GRIP1: variants seen among roughly 807,000 people sequenced by gnomAD.
GRIP1 encodes the protein glutamate receptor interacting protein 1.
Under a neutral mutation model 129.9 loss-of-function variants are expected in GRIP1, and 45 were observed. The ratio of observed to expected loss-of-function variants is 0.35; its 90% CI spans 0.27 to 0.44. The LOEUF (loss-of-function observed/expected upper bound fraction) is 0.44. GRIP1 is among the 20% of genes least tolerant of loss of function. GRIP1 has a pLI of 1.00. For synonymous variants in GRIP1, 530 were observed against 520.8 expected, an observed-to-expected ratio of 1.02 and a Z score of -0.24; for missense variants, 1,196 against 1,396.8, an observed-to-expected ratio of 0.86 and a Z score of 2.29.
intron 1 of GRIP1, among the ~76,000 whole-genome samples, chr12:66,628,123 T>C (rs1229473494): frequency 6.6e-6 from 1 of 152,180 alleles, no homozygotes; most frequent in Non-Finnish European, 1.5e-5. Context: ...CATAGCCACC[T>C]GGCACCTGCC....
chr12:66,750,136 C>T (rs968476945), intron 1 of GRIP1, among the ~76,000 whole-genome samples: 1 of 152,152 alleles, frequency 6.6e-6, no homozygotes, highest in Non-Finnish European at 1.5e-5. Flanking sequence ...ATTATATCAG[C>T]TTACTTTCCT....
At chr12:66,750,269 A>G (rs556363836) in intron 1 of GRIP1, among the ~76,000 whole-genome samples, 6 of 152,314 alleles carry the variant, frequency 3.9e-5, no homozygotes, top group Non-Finnish European at 7.3e-5. Flanking sequence ...ATACATGCCA[A>G]GGGTCCCTTG....
At chr12:66,781,971 T>C (rs929699486) in intron 1 of GRIP1, among the ~76,000 whole-genome samples, 7 of 152,224 alleles carry the variant, frequency 4.6e-5, no homozygotes, top group African/African-American at 1.7e-4. Flanking sequence ...ATTTCATTTA[T>C]ATAAACTTCA....
chr12:67,003,292 T>C (rs1261351291), intron 1 of GRIP1, among the ~76,000 whole-genome samples: 1 of 152,248 alleles, frequency 6.6e-6, no homozygotes, highest in Non-Finnish European at 1.5e-5. Flanking sequence ...ATTGTTGTAC[T>C]TAGACTATTA....
intron 7 of GRIP1, among the ~76,000 whole-genome samples, chr12:66,476,594 A>C (rs1298854704): frequency 2.0e-5 from 3 of 152,208 alleles, no homozygotes; most frequent in Admixed American, 2.0e-4. Flanking sequence ...TTTTAGACCA[A>C]TATCCCTGAT....
chr12:66,444,933 A>G (rs1249526331), intron 12 of GRIP1, among the ~76,000 whole-genome samples: 4 of 152,218 alleles, frequency 2.6e-5, no homozygotes. Flanking sequence ...GGAATCCTGA[A>G]GTATCCCAGA....
At chr12:66,447,658 A>G (rs903566691) in intron 11 of GRIP1, among the ~76,000 whole-genome samples, 1 of 151,646 alleles carries the variant, frequency 6.6e-6, no homozygotes, top group African/African-American at 2.4e-5. Flanking sequence ...TAGTGTTTTT[A>G]ATACTATCCC....
At chr12:66,726,455 T>C (rs1015363417) in intron 1 of GRIP1, among the ~76,000 whole-genome samples, 2 of 152,152 alleles carry the variant, frequency 1.3e-5, no homozygotes, top group Non-Finnish European at 2.9e-5. Flanking sequence ...TGAAAGAATA[T>C]AGGGCATAAC....
At chr12:66,688,890 G>C (rs1298857165) in intron 1 of GRIP1, among the ~76,000 whole-genome samples, 7 of 152,066 alleles carry the variant, frequency 4.6e-5, no homozygotes. Context: ...CCATGGAAAA[G>C]ATAAAAGAAG....
chr12:66,507,496 C>T (rs370865604), intron 7 of GRIP1, among the ~76,000 whole-genome samples: 18 of 151,740 alleles, frequency 1.2e-4, no homozygotes, highest in African/African-American at 2.7e-4. Flanking sequence ...TTTACTCTTG[C>T]GACTGGTAGA....
chr12:66,962,138 T>C (rs1220493073), intron 1 of GRIP1, among the ~76,000 whole-genome samples: 1 of 152,188 alleles, frequency 6.6e-6, no homozygotes, highest in Non-Finnish European at 1.5e-5. Context: ...ATTTTTACCA[T>C]GGCTGTGGTA....
chr12:66,696,902 A>T (rs2035185320), intron 1 of GRIP1, among the ~76,000 whole-genome samples: 1 of 151,662 alleles, frequency 6.6e-6, no homozygotes, highest in African/African-American at 2.4e-5. Context: ...AATTTGGTAG[A>T]TGCAAAAAAA....
Position 66,676,479 on chromosome 12 carries a change from A to T in GRIP1, c.55+2371T>A, listed in dbSNP as rs568671310. ...TAAGGTTTTAGCCACAAGAGGCCTA[A>T]TAAAGCTCTTGAAGCATTTCCTAAG... On this transcript the variant is annotated intron_variant, in intron 1 of 24. Transcript: ENST00000359742. Among the ~76,000 whole-genome samples the T allele has an allele frequency of 4.8e-4, 73 of 152,282 alleles. 1 individual carries two copies. The highest frequency in any genetic ancestry group is 7.1e-4 in the Non-Finnish European group (48 of 68,014).
chr12:66,615,468 A>G (rs2065000383), intron 1 of GRIP1, among the ~76,000 whole-genome samples: 1 of 152,084 alleles, frequency 6.6e-6, no homozygotes, highest in African/African-American at 2.4e-5. Flanking sequence ...ATCGTATATT[A>G]TACCTGGGTG....
At chr12:66,760,511 C>G (rs1047361865) in intron 1 of GRIP1, among the ~76,000 whole-genome samples, 10 of 152,120 alleles carry the variant, frequency 6.6e-5, no homozygotes, top group African/African-American at 1.9e-4. Context: ...AAAGCAAAAG[C>G]AGAATTCCTT....
At chr12:66,928,751 C>T (rs1360828004) in intron 1 of GRIP1, among the ~76,000 whole-genome samples, 2 of 152,152 alleles carry the variant, frequency 1.3e-5, no homozygotes, top group African/African-American at 4.8e-5. Flanking sequence ...ACTTTTTAAT[C>T]TTAAAAATGC....
intron 12 of GRIP1, 54 bp downstream of exon 12, chr12:66,445,268 G>T: frequency 7.4e-7 from 1 of 1,350,640 alleles, no homozygotes. Flanking sequence ...TTCAAAGATA[G>T]CAGGTACCAG....
chr12:66,695,975 C>G (rs1322647610), intron 1 of GRIP1, among the ~76,000 whole-genome samples: 1 of 151,796 alleles, frequency 6.6e-6, no homozygotes, highest in African/African-American at 2.4e-5. Context: ...GGCAAATATT[C>G]CAGGAGAAGA....
chr12:66,525,483 C>T (rs1226781142), intron 5 of GRIP1, among the ~76,000 whole-genome samples: 1 of 151,934 alleles, frequency 6.6e-6, no homozygotes, highest in Non-Finnish European at 1.5e-5. Context: ...TTCAACAACA[C>T]TTCATGCTAA....
Sources: allele counts gnomAD v4.1 joint callset (sites outside exome capture counted in the v4.1 genomes callset), GRCh38; gene constraint gnomAD v4.1.1; transcripts MANE v1.5; gene names NCBI Gene and HGNC (gene_info 2026-07-23, HGNC 2026-07-21).